ATP6V0A4: variants seen among roughly 807,000 people sequenced by gnomAD.
ATP6V0A4 encodes the protein ATPase H+ transporting V0 subunit a4.
In ATP6V0A4, 86 loss-of-function variants were observed where a neutral mutation model predicts 107.3. The ratio of observed to expected loss-of-function variants is 0.80; its 90% CI spans 0.67 to 0.96. The LOEUF is 0.96. ATP6V0A4 is among the 40% of genes least tolerant of loss of function. The pLI is 0.00. For missense variants in ATP6V0A4, 908 were observed against 1,045.6 expected (o/e 0.87, Z 1.81); for synonymous variants, 353 against 381.4 (o/e 0.93, Z 0.87).
chr7:138,753,271 G>C (rs1390132034), intron 10 of ATP6V0A4, among the ~76,000 whole-genome samples: 1 of 152,192 alleles, frequency 6.6e-6, no homozygotes, highest in Non-Finnish European at 1.5e-5. Flanking sequence ...AATACCACGT[G>C]ACAACAGAGG....
intron 11 of ATP6V0A4, among the ~76,000 whole-genome samples, chr7:138,750,062 CT>C (rs1806146806): frequency 6.6e-6 from 1 of 152,142 alleles, no homozygotes. Context: ...TCATGTTACT[CT>C]CCTGCTTTAA....
chr7:138,768,174 C>T (rs942550247), intron 5 of ATP6V0A4, among the ~76,000 whole-genome samples: 3 of 152,126 alleles, frequency 2.0e-5, no homozygotes, highest in East Asian at 1.9e-4. Context: ...CTTCGTGATC[C>T]GCCTGCCTCG....
chr7:138,791,235 T>C (rs1013474143), intron 1 of ATP6V0A4, among the ~76,000 whole-genome samples: 1 of 151,954 alleles, frequency 6.6e-6, no homozygotes, highest in Non-Finnish European at 1.5e-5. Context: ...TAAAAGAGGA[T>C]TAGACACAGA....
intron 16 of ATP6V0A4, 132 bp downstream of exon 16, chr7:138,734,004 A>G: frequency 9.8e-7 from 1 of 1,018,530 alleles, no homozygotes; most frequent in Non-Finnish European, 1.5e-6. Flanking sequence ...TCAAGCCCAG[A>G]TGCCCAGGGA....
chr7:138,795,656 T>C (rs536324253), intron 1 of ATP6V0A4, among the ~76,000 whole-genome samples: 2 of 152,310 alleles, frequency 1.3e-5, no homozygotes, highest in East Asian at 1.9e-4. Context: ...GTTTGTTTGT[T>C]TGGGGACAGG....
chr7:138,754,080 G>C (rs112592222), intron 10 of ATP6V0A4, among the ~76,000 whole-genome samples: 1 of 152,138 alleles, frequency 6.6e-6, no homozygotes, highest in Non-Finnish European at 1.5e-5. Context: ...TGGAGAATTG[G>C]GGGGAAAGGA....
rs1257857936 is a variant in ATP6V0A4, at chr7:138,771,132, T to A, written c.116A>T (p.Asp39Val). ...ATCTCCAAAGAACTCAGTACCTACATCTTTGAACTGAACCAATCCGAGCTC... is the reference window on the plus strand; with the variant it reads ...ATCTCCAAAGAACTCAGTACCTACAACTTTGAACTGAACCAATCCGAGCTC... The part of the protein sequence containing the change: ...LGELGLVQFK[D>V]LNMNVNSFQR... The change falls in exon 3 of 22, where the codon GAT becomes GTT. Residue 39 changes from aspartate (D) to valine (V), a missense_variant and splice_region_variant. Physicochemically the swap from Asp to Val is radical, Grantham distance 152. Transcript: ENST00000310018. 6.2e-7 allele frequency: 1 copy of A among 1,613,752 alleles called. No individual in the cohort carries two copies. Among genetic ancestry groups the A allele is most frequent in the African/African-American group, 1.3e-5 (1 of 74,920 alleles).
intron 19 of ATP6V0A4, 51 bp from the exon 20 acceptor site, chr7:138,715,932 A>C (rs779074007): frequency 6.2e-7 from 1 of 1,603,640 alleles, no homozygotes; most frequent in Non-Finnish European, 8.5e-7. Flanking sequence ...TCTACACAAA[A>C]GTTATTCCAA....
chr7:138,755,534 A>G (rs1241438599), intron 10 of ATP6V0A4, among the ~76,000 whole-genome samples, 155 bp downstream of exon 10: 4 of 152,166 alleles, frequency 2.6e-5, no homozygotes, highest in Admixed American at 2.0e-4. Flanking sequence ...CAGTTTCCCA[A>G]TTGTGAAATC....
chr7:138,769,211 TTCAC>T lies in ATP6V0A4; in HGVS notation c.154_157del (p.Val52MetfsTer25), dbSNP rs748968589. 1.7e-5 allele frequency: 28 copies of T among 1,612,746 alleles called. No individual in the cohort carries two copies. The Admixed American group carries it at 3.8e-4, about 22-fold the overall frequency. ...CAGTGATTCACACCTTCTGACTTCA[TTCAC>T]AAATTTCCTTTGAAAGCTGTTCACA... On this transcript the variant is annotated frameshift_variant, in exon 4 of 22. Coordinates refer to ENST00000310018, the MANE Select transcript of ATP6V0A4 (RefSeq NM_020632.3). LOFTEE classifies it high-confidence loss of function.
rs35898810 is a variant in ATP6V0A4, at chr7:138,737,763, C to CTTT, written c.1572+1774_1572+1776dup. 4.7e-4 allele frequency among the ~76,000 whole-genome samples: 62 copies of CTTT among 130,914 alleles called. 1 individual carries two copies. Among genetic ancestry groups the CTTT allele is most frequent in the African/African-American group, 1.7e-3 (59 of 34,678 alleles). The allele number at this position is 130,914 out of a possible 152,430, so 85.9% of individuals were successfully genotyped here. On this transcript the variant is annotated intron_variant, in intron 15 of 21. Coordinates refer to ENST00000310018, the MANE Select transcript of ATP6V0A4 (RefSeq NM_020632.3). ...TGCCTGGCTAATTTTGGTATTTTTA[C>CTTT]TTTTTTTTTTTTTTTGAGATGGGCT...
intron 7 of ATP6V0A4, 126 bp from the exon 8 acceptor site, chr7:138,760,004 C>A: frequency 6.5e-7 from 1 of 1,533,832 alleles, no homozygotes; most frequent in Non-Finnish European, 8.8e-7. Context: ...GGAGGGACCC[C>A]GACACAGCTC....
chr7:138,724,884 G>T (rs1328681641), intron 18 of ATP6V0A4, among the ~76,000 whole-genome samples: 1 of 152,134 alleles, frequency 6.6e-6, no homozygotes, highest in Non-Finnish European at 1.5e-5. Flanking sequence ...CTTACTTGCA[G>T]TCCTCTTACT....
chr7:138,731,414 C>T (rs1055306854), intron 17 of ATP6V0A4, among the ~76,000 whole-genome samples: 1 of 152,162 alleles, frequency 6.6e-6, no homozygotes, highest in Non-Finnish European at 1.5e-5. Flanking sequence ...CACAGGGCTT[C>T]ATCCAGAGGA....
rs1266093701 is a variant in ATP6V0A4, at chr7:138,728,814, A to G, written c.1957T>C (p.Trp653Arg). 4 of 1,614,202 alleles carry G rather than the reference A, an allele frequency of 2.5e-6. No homozygotes were observed. Among genetic ancestry groups the G allele is most frequent in the Non-Finnish European group, 2.5e-6 (3 of 1,180,040 alleles). ...FVVMALISVPWMLLIKPFILR... is the reference protein window; with the variant it reads ...FVVMALISVPRMLLIKPFILR... ...ATAAACGGCTTAATCAGAAGCATCC[A>G]CGGCACAGAAATCAAAGCCATAACC... is the stretch of plus-strand genomic sequence containing the variant. The change falls in exon 18 of 22, where the codon TGG (tryptophan) becomes CGG (arginine). Residue 653 changes from tryptophan to arginine, a missense_variant. By Grantham distance (101) the Trp-to-Arg change is moderately radical. Transcript: ENST00000310018.
At chr7:138,787,363 G>T (rs569103525) in intron 1 of ATP6V0A4, among the ~76,000 whole-genome samples, 1 of 152,052 alleles carries the variant, frequency 6.6e-6, no homozygotes, top group African/African-American at 2.4e-5. Flanking sequence ...CTAGAAAGTC[G>T]CATCGACACC....
chr7:138,739,414 A>G (rs1805503004), intron 15 of ATP6V0A4, 126 bp downstream of exon 15: 1 of 1,218,504 alleles, frequency 8.2e-7, no homozygotes, highest in Non-Finnish European at 1.2e-6. Context: ...AAACGTCAGC[A>G]GAAGTTATTT....
intron 2 of ATP6V0A4, among the ~76,000 whole-genome samples, chr7:138,777,340 C>T (rs541130305): frequency 4.0e-5 from 6 of 151,892 alleles, no homozygotes; most frequent in Admixed American, 1.3e-4. Context: ...TATGGCCGGG[C>T]GCGGTGGCTC....
At chr7:138,766,486 G>A (rs1034652314) in intron 5 of ATP6V0A4, among the ~76,000 whole-genome samples, 3 of 152,086 alleles carry the variant, frequency 2.0e-5, no homozygotes, top group Admixed American at 6.6e-5. Flanking sequence ...GATTACAGGC[G>A]TAAGCCACTG....
Sources: allele counts gnomAD v4.1 joint callset (sites outside exome capture counted in the v4.1 genomes callset), GRCh38; gene constraint gnomAD v4.1.1; transcripts MANE v1.5; gene names NCBI Gene and HGNC (gene_info 2026-07-23, HGNC 2026-07-21).